LAMC1: variants seen among roughly 807,000 people sequenced by gnomAD.
LAMC1 encodes the protein laminin subunit gamma 1.
LAMC1 carries 38 observed loss-of-function variants against 173.6 expected under a neutral mutation model. The ratio of observed to expected loss-of-function variants is 0.22; its 90% CI spans 0.17 to 0.29. The LOEUF (loss-of-function observed/expected upper bound fraction) is 0.29. Among genes scored for constraint, LAMC1 ranks in the 10% least tolerant of loss-of-function variants. The pLI is 1.00. For missense variants in LAMC1, 1,824 were observed against 2,051.8 expected (o/e 0.89, Z 2.14); for synonymous variants, 746 against 749.1 (o/e 1.00, Z 0.07).
chr1:183,132,640 T>C, intron 21 of LAMC1, 103 bp downstream of exon 21: 1 of 833,432 alleles, frequency 1.2e-6, no homozygotes, highest in South Asian at 1.9e-5. Flanking sequence ...CATACATTCA[T>C]GCAGTAAGAT....
intron 1 of LAMC1, among the ~76,000 whole-genome samples, chr1:183,029,218 C>G (rs1653780800): frequency 1.3e-5 from 2 of 152,210 alleles, no homozygotes; most frequent in South Asian, 2.1e-4. Flanking sequence ...AGACTCTACT[C>G]TTACCTTCTA....
chr1:183,140,272 AGAGGTTTC>A, intron 26 of LAMC1, 124 bp from the exon 27 acceptor site: 4 of 346,844 alleles, frequency 1.2e-5, no homozygotes, highest in South Asian at 3.5e-5. Flanking sequence ...AAAAGCAATG[AGAGGTTTC>A]AATTTCCTAA....
At chr1:183,133,112 T>C (rs1013496206) in intron 21 of LAMC1, among the ~76,000 whole-genome samples, 1 of 152,286 alleles carries the variant, frequency 6.6e-6, no homozygotes, top group Admixed American at 6.5e-5. Context: ...GGTTTCACTA[T>C]GTTGGCCAGG....
chr1:183,085,872 C>T (rs564109409), intron 1 of LAMC1, among the ~76,000 whole-genome samples: 1 of 152,300 alleles, frequency 6.6e-6, no homozygotes, highest in East Asian at 1.9e-4. Context: ...TTTTCTACCA[C>T]TTAGCTCTTT....
At chr1:183,045,755 C>T (rs1012283268) in intron 1 of LAMC1, among the ~76,000 whole-genome samples, 33 of 152,106 alleles carry the variant, frequency 2.2e-4, no homozygotes, top group African/African-American at 7.7e-4. Flanking sequence ...CCAGAGTGAT[C>T]GTGCTAGTTT....
intron 1 of LAMC1, among the ~76,000 whole-genome samples, chr1:183,099,675 C>T (rs982080286): frequency 6.6e-6 from 1 of 152,098 alleles, no homozygotes; most frequent in African/African-American, 2.4e-5. Flanking sequence ...AGGGTGGTCT[C>T]AGAAGTCAGC....
chr1:183,085,957 T>G (rs1242707254), intron 1 of LAMC1, among the ~76,000 whole-genome samples: 1 of 152,162 alleles, frequency 6.6e-6, no homozygotes, highest in African/African-American at 2.4e-5. Context: ...ATTTAAGAAC[T>G]TGGAGTGCTT....
At chr1:183,127,109 CA>C in intron 16 of LAMC1, 116 bp from the exon 17 acceptor site, 2 of 912,572 alleles carry the variant, frequency 2.2e-6, no homozygotes, top group Non-Finnish European at 3.1e-6. Flanking sequence ...TCCTGTTTTT[CA>C]AAAAAATTAT....
At chr1:183,130,851 T>TATTA (rs1391276887) in intron 19 of LAMC1, among the ~76,000 whole-genome samples, 8 of 152,172 alleles carry the variant, frequency 5.3e-5, no homozygotes, top group Non-Finnish European at 7.3e-5. Flanking sequence ...AGGGTGCTGA[T>TATTA]ATTAAATAAA....
intron 1 of LAMC1, among the ~76,000 whole-genome samples, chr1:183,052,250 C>T (rs1432155065): frequency 1.3e-5 from 2 of 152,170 alleles, no homozygotes; most frequent in African/African-American, 4.8e-5. Flanking sequence ...ACCCTACTTT[C>T]CATTCCTCTT....
intron 1 of LAMC1, among the ~76,000 whole-genome samples, chr1:183,050,506 T>G (rs1654392604): frequency 6.8e-6 from 1 of 147,064 alleles, no homozygotes. Context: ...ATGGTCTCGA[T>G]CTCCTGACCT....
At chr1:183,106,925 G>A (rs1024764693) in intron 2 of LAMC1, among the ~76,000 whole-genome samples, 1 of 152,180 alleles carries the variant, frequency 6.6e-6, no homozygotes, top group East Asian at 1.9e-4. Context: ...GCTGAAACCA[G>A]TCACACACCC....
chr1:183,074,985 T>C (rs887424172), intron 1 of LAMC1, among the ~76,000 whole-genome samples: 2 of 152,292 alleles, frequency 1.3e-5, no homozygotes, highest in South Asian at 2.1e-4. Flanking sequence ...AAAAGAATTA[T>C]ACTGAAACAA....
At chr1:183,119,982 G>A (rs1656424461) in intron 11 of LAMC1, among the ~76,000 whole-genome samples, 3 of 151,628 alleles carry the variant, frequency 2.0e-5, no homozygotes, top group Admixed American at 2.0e-4. Context: ...AGCAGCCTGG[G>A]CAACATAGCA....
intron 1 of LAMC1, among the ~76,000 whole-genome samples, chr1:183,073,305 A>T (rs1209569212): frequency 6.6e-6 from 1 of 152,222 alleles, no homozygotes; most frequent in Non-Finnish European, 1.5e-5. Flanking sequence ...GGATTTCTGG[A>T]TGTAAACCTA....
At position 183,145,591 on chromosome 1, in the gene LAMC1, T is replaced by A. The variant is rs1349812177; in HGVS notation, c.*2801T>A. 2 of 152,488 alleles carry A rather than the reference T, an allele frequency of 1.3e-5. No homozygotes were observed. Among genetic ancestry groups the A allele is most frequent in the Non-Finnish European group, 2.9e-5 (2 of 68,018 alleles). The allele number at this position is 152,488 out of a possible 1,614,324, so 9.4% of individuals were successfully genotyped here. On this transcript the variant is annotated 3_prime_UTR_variant, in exon 28 of 28. Transcript: ENST00000258341. ...TAAAATCTGAATATTTGTAACCCTTTATATTTGGTGTGGCCTGAGTGTGGT... is the reference window on the plus strand; with the variant it reads ...TAAAATCTGAATATTTGTAACCCTTAATATTTGGTGTGGCCTGAGTGTGGT...
At chr1:183,121,357 C>T (rs989624516) in intron 11 of LAMC1, among the ~76,000 whole-genome samples, 7 of 152,066 alleles carry the variant, frequency 4.6e-5, no homozygotes, top group Admixed American at 3.9e-4. Context: ...ACCCAGGAGG[C>T]GGAGATTGCA....
intron 1 of LAMC1, among the ~76,000 whole-genome samples, chr1:183,071,092 G>GT (rs528876090): frequency 0.065 from 9,021 of 138,978 alleles, 337 homozygotes; most frequent in African/African-American, 0.1. Flanking sequence ...TTTTGTTTTT[G>GT]TTTTTTTTTT....
At chr1:183,109,407 A>G (rs1216415859) in intron 3 of LAMC1, among the ~76,000 whole-genome samples, 1 of 152,244 alleles carries the variant, frequency 6.6e-6, no homozygotes, top group Non-Finnish European at 1.5e-5. Flanking sequence ...TGGCAGCAGA[A>G]TGGAAAGGAA....
Sources: gnomAD v4.1 joint callset for allele counts (sites outside exome capture counted in the v4.1 genomes callset) on GRCh38, gnomAD v4.1.1 for gene constraint, MANE v1.5 for transcripts, NCBI Gene and HGNC (gene_info 2026-07-23, HGNC 2026-07-21) for gene names.